FAM13A: variants seen among roughly 807,000 people sequenced by gnomAD.
FAM13A encodes family with sequence similarity 13 member A.
FAM13A carries 76 observed loss-of-function variants against 129.6 expected under a neutral mutation model. The ratio of observed to expected loss-of-function variants is 0.59; its 90% CI spans 0.49 to 0.71. The LOEUF is 0.71. Among genes scored for constraint, FAM13A ranks in the 30% least tolerant of loss-of-function variants. The pLI, the probability that FAM13A is intolerant of heterozygous loss-of-function variation, is 0.00. For missense variants in FAM13A, 1,108 were observed against 1,249.3 expected (o/e 0.89, Z 1.70); for synonymous variants, 443 against 449.9 (o/e 0.98, Z 0.20).
At chr4:88,931,290 G>A (rs1321275271) in intron 5 of FAM13A, among the ~76,000 whole-genome samples, 1 of 152,176 alleles carries the variant, frequency 6.6e-6, no homozygotes, top group African/African-American at 2.4e-5. Context: ...ATGCCTGTGG[G>A]ATTCTGTGTG....
At chr4:89,036,888 C>T (rs1769454934) in intron 1 of FAM13A, among the ~76,000 whole-genome samples, 1 of 152,246 alleles carries the variant, frequency 6.6e-6, no homozygotes, top group Non-Finnish European at 1.5e-5. Flanking sequence ...CATATTAAGC[C>T]TATGGGTGCA....
At chr4:88,833,063 G>A (rs562630841) in intron 7 of FAM13A, among the ~76,000 whole-genome samples, 1 of 152,280 alleles carries the variant, frequency 6.6e-6, no homozygotes, top group South Asian at 2.1e-4. Flanking sequence ...AAAGGAACAA[G>A]ATCATGTCGT....
At chr4:88,874,108 C>T (rs1344817357) in intron 6 of FAM13A, among the ~76,000 whole-genome samples, 1 of 152,138 alleles carries the variant, frequency 6.6e-6, no homozygotes, top group Non-Finnish European at 1.5e-5. Context: ...CTGAAAAACT[C>T]TCAATAAACT....
chr4:88,873,356 G>GA (rs1741768457), intron 6 of FAM13A, among the ~76,000 whole-genome samples: 1 of 152,122 alleles, frequency 6.6e-6, no homozygotes, highest in African/African-American at 2.4e-5. Context: ...CCAGGAGCTG[G>GA]TTTTTTGAAA....
intron 4 of FAM13A, among the ~76,000 whole-genome samples, chr4:88,963,381 T>G (rs916945505): frequency 7.3e-5 from 11 of 150,904 alleles, no homozygotes; most frequent in Non-Finnish European, 1.6e-4. Flanking sequence ...CACTGCAACC[T>G]CCATCTCCCA....
intron 10 of FAM13A, 81 bp from the exon 11 acceptor site, chr4:88,781,432 C>T: frequency 1.1e-6 from 1 of 941,356 alleles, no homozygotes; most frequent in Admixed American, 2.9e-5. Context: ...TCATATCATA[C>T]CTAGGAAATC....
In FAM13A at chr4:89,057,159, A is replaced by T. The variant is rs1286121863; in HGVS notation, c.-195T>A. On this transcript the variant is annotated 5_prime_UTR_variant, in exon 1 of 24. Transcript: ENST00000264344. ...TTTTGCTTCTCTTTCCGCTGAACCC[A>T]CATGGCTGGAAGGACTGCCTGGAGT... 7.0e-7 allele frequency: 1 copy of T among 1,431,714 alleles called. No individual in the cohort carries two copies. The highest frequency in any genetic ancestry group is 9.1e-7 in the Non-Finnish European group (1 of 1,094,656). The allele number at this position is 1,431,714 out of a possible 1,614,324, so 88.7% of individuals were successfully genotyped here. A position where few individuals can be genotyped will look rare whatever the true frequency, so the allele number is the denominator to read the frequency against.
chr4:88,893,800 C>A (rs1293914427), intron 6 of FAM13A, among the ~76,000 whole-genome samples: 1 of 139,310 alleles, frequency 7.2e-6, no homozygotes, highest in East Asian at 2.1e-4. Context: ...GCACTCCAGC[C>A]AGGCTGATGG....
intron 4 of FAM13A, among the ~76,000 whole-genome samples, chr4:88,941,467 C>A (rs1754751476): frequency 1.3e-5 from 2 of 152,200 alleles, no homozygotes; most frequent in East Asian, 1.9e-4. Context: ...TTGTTTGACT[C>A]ATTGGGACAC....
At chr4:88,979,731 T>C (rs1442652239) in intron 4 of FAM13A, among the ~76,000 whole-genome samples, 2 of 152,190 alleles carry the variant, frequency 1.3e-5, no homozygotes, top group African/African-American at 2.4e-5. Context: ...CCCAGCATTT[T>C]TGGAGGCCGA....
chr4:88,823,519 A>G (rs1297577975), intron 7 of FAM13A, among the ~76,000 whole-genome samples: 1 of 152,224 alleles, frequency 6.6e-6, no homozygotes, highest in Non-Finnish European at 1.5e-5. Context: ...AGCAAGAGCC[A>G]AGAGTCCTGT....
chr4:88,902,448 T>G (rs923862508), intron 6 of FAM13A, among the ~76,000 whole-genome samples: 11 of 152,160 alleles, frequency 7.2e-5, no homozygotes, highest in African/African-American at 2.7e-4. Flanking sequence ...CAAGGTTGGT[T>G]CAACATGCAC....
intron 5 of FAM13A, among the ~76,000 whole-genome samples, chr4:88,912,071 A>G (rs1410508644): frequency 6.6e-6 from 1 of 152,240 alleles, no homozygotes; most frequent in African/African-American, 2.4e-5. Context: ...CTTAGCTTCC[A>G]TGACATCACT....
intron 2 of FAM13A, among the ~76,000 whole-genome samples, chr4:89,028,130 C>T (rs974033746): frequency 4.1e-5 from 6 of 148,130 alleles, no homozygotes; most frequent in Admixed American, 2.7e-4. Context: ...TGCTTGAACC[C>T]GGGAGGTAGA....
chr4:88,976,491 A>G (rs1469922607), intron 4 of FAM13A, among the ~76,000 whole-genome samples: 2 of 152,086 alleles, frequency 1.3e-5, no homozygotes, highest in Non-Finnish European at 2.9e-5. Context: ...TATATATTGT[A>G]TATTTCTTCC....
chr4:88,788,987 C>G (rs1724562427), intron 9 of FAM13A, among the ~76,000 whole-genome samples: 1 of 152,054 alleles, frequency 6.6e-6, no homozygotes, highest in African/African-American at 2.4e-5. Flanking sequence ...AGATAGAACT[C>G]CATGTCTCAA....
At chr4:88,768,111 A>G (rs1295213587) in intron 11 of FAM13A, 52 bp from the exon 12 acceptor site, 1 of 939,706 alleles carries the variant, frequency 1.1e-6, no homozygotes, top group Non-Finnish European at 1.7e-6. Context: ...GAAATATGCA[A>G]CGCAGACCCT....
intron 5 of FAM13A, among the ~76,000 whole-genome samples, chr4:88,906,945 T>C (rs1010351137): frequency 1.3e-5 from 2 of 152,254 alleles, no homozygotes; most frequent in African/African-American, 4.8e-5. Context: ...TAGTTTTGTA[T>C]TAACACCTTG....
intron 7 of FAM13A, among the ~76,000 whole-genome samples, chr4:88,833,667 C>T (rs1336353982): frequency 1.3e-5 from 2 of 152,074 alleles, no homozygotes; most frequent in Non-Finnish European, 2.9e-5. Flanking sequence ...AGGTGGATCA[C>T]CTGAGGTCAG....
Sources: allele counts gnomAD v4.1 joint callset (sites outside exome capture counted in the v4.1 genomes callset), GRCh38; gene constraint gnomAD v4.1.1; transcripts MANE v1.5; gene names NCBI Gene and HGNC (gene_info 2026-07-23, HGNC 2026-07-21).